TAF4B: variants seen among roughly 807,000 people sequenced by gnomAD.
TAF4B encodes transcription initiation factor TFIID subunit 4B.
A neutral mutation model predicts 86.4 loss-of-function variants in TAF4B; 38 were observed. The observed-to-expected ratio is 0.44, with a 90% confidence interval of 0.34 to 0.58. The LOEUF (loss-of-function observed/expected upper bound fraction) is 0.58, where lower values mean the gene tolerates loss of function less well. Among genes scored for constraint, TAF4B ranks in the 20% least tolerant of loss-of-function variants. The probability of loss-of-function intolerance (pLI) is 0.02; values close to 1 mark genes in which losing one functional copy is unlikely to be tolerated. For missense variants in TAF4B, 988 were observed against 1,027.6 expected (o/e 0.96, Z 0.53); for synonymous variants, 388 against 391.2 (o/e 0.99, Z 0.10).
intron 1 of TAF4B, among the ~76,000 whole-genome samples, chr18:26,242,300 T>C (rs1372252335): frequency 2.0e-5 from 3 of 152,240 alleles, no homozygotes; most frequent in Admixed American, 6.5e-5. Flanking sequence ...TTAGGATAGT[T>C]AGCTCTTCTT....
intron 11 of TAF4B, among the ~76,000 whole-genome samples, chr18:26,323,376 C>G (rs965766985): frequency 6.6e-6 from 1 of 152,110 alleles, no homozygotes; most frequent in African/African-American, 2.4e-5. Flanking sequence ...GGGTCTCACT[C>G]TGTCATCCAG....
intron 14 of TAF4B, among the ~76,000 whole-genome samples, chr18:26,371,116 C>G (rs923618394): frequency 6.6e-6 from 1 of 151,600 alleles, no homozygotes; most frequent in Non-Finnish European, 1.5e-5. Context: ...GTTCATGAAG[C>G]GTGAACAAAA....
At chr18:26,363,993 G>A (rs935159999) in intron 14 of TAF4B, among the ~76,000 whole-genome samples, 4 of 152,120 alleles carry the variant, frequency 2.6e-5, no homozygotes, top group Admixed American at 1.3e-4. Context: ...TTTAACATTC[G>A]AAGATTACCT....
At chr18:26,247,742 C>T (rs998256311) in intron 1 of TAF4B, among the ~76,000 whole-genome samples, 1 of 152,022 alleles carries the variant, frequency 6.6e-6, no homozygotes, top group Admixed American at 6.6e-5. Context: ...ACTAGCCAAG[C>T]GTTGTGGTGC....
At chr18:26,358,912 A>C (rs1204539876) in intron 14 of TAF4B, among the ~76,000 whole-genome samples, 1 of 152,178 alleles carries the variant, frequency 6.6e-6, no homozygotes, top group Non-Finnish European at 1.5e-5. Context: ...GGTAGTTTCT[A>C]AATGAACGCC....
intron 5 of TAF4B, among the ~76,000 whole-genome samples, chr18:26,279,972 A>AGG (rs1044998304): frequency 1.3e-5 from 2 of 151,640 alleles, no homozygotes; most frequent in African/African-American, 4.8e-5. Context: ...TGAACCTGGG[A>AGG]GGGGGAGGTT....
intron 9 of TAF4B, among the ~76,000 whole-genome samples, chr18:26,310,046 C>T (rs2056837944): frequency 6.6e-6 from 1 of 152,110 alleles, no homozygotes; most frequent in African/African-American, 2.4e-5. Context: ...TGGTGCTGAG[C>T]CCCTGACCTC....
intron 14 of TAF4B, among the ~76,000 whole-genome samples, chr18:26,384,510 A>G (rs1391239095): frequency 6.6e-6 from 1 of 152,186 alleles, no homozygotes; most frequent in Non-Finnish European, 1.5e-5. Context: ...AGGCTCCCTT[A>G]AAATTCAGAA....
chr18:26,320,959 C>T, intron 10 of TAF4B, 111 bp from the exon 11 acceptor site: 1 of 1,324,534 alleles, frequency 7.5e-7, no homozygotes, highest in Non-Finnish European at 1.0e-6. Flanking sequence ...ATCTCCAAAC[C>T]TTTATTCATA....
intron 9 of TAF4B, among the ~76,000 whole-genome samples, chr18:26,305,708 G>A (rs1023040269): frequency 5.3e-5 from 8 of 152,036 alleles, no homozygotes; most frequent in East Asian, 1.9e-4. Flanking sequence ...TGGTGTTTTC[G>A]ATTGTTATAA....
At chr18:26,336,022 AGT>A (rs1260683033) in intron 13 of TAF4B, among the ~76,000 whole-genome samples, 1 of 152,124 alleles carries the variant, frequency 6.6e-6, no homozygotes, top group Non-Finnish European at 1.5e-5. Flanking sequence ...TTGAAGGTGC[AGT>A]GTGTGTATGG....
chr18:26,376,082 G>C (rs927960027), intron 14 of TAF4B, among the ~76,000 whole-genome samples: 10 of 152,024 alleles, frequency 6.6e-5, no homozygotes, highest in Non-Finnish European at 1.3e-4. Context: ...CCTTACACCA[G>C]TACCACACTG....
intron 14 of TAF4B, among the ~76,000 whole-genome samples, chr18:26,382,381 A>C (rs1978294748): frequency 6.6e-6 from 1 of 152,086 alleles, no homozygotes; most frequent in South Asian, 2.1e-4. Flanking sequence ...TTCAGAATTC[A>C]CTGTTTATTT....
intron 13 of TAF4B, among the ~76,000 whole-genome samples, chr18:26,344,145 T>G (rs2057157554): frequency 6.6e-6 from 1 of 152,080 alleles, no homozygotes; most frequent in Non-Finnish European, 1.5e-5. Flanking sequence ...TAAAACACAT[T>G]CAGCTGAATG....
chr18:26,316,677 G>A (rs1043012641), intron 10 of TAF4B, among the ~76,000 whole-genome samples: 2 of 152,148 alleles, frequency 1.3e-5, no homozygotes, highest in African/African-American at 4.8e-5. Flanking sequence ...GAGCCACCGT[G>A]CCTGGCTTAC....
intron 13 of TAF4B, among the ~76,000 whole-genome samples, chr18:26,345,525 CA>C (rs1390775893): frequency 1.3e-5 from 2 of 152,168 alleles, no homozygotes; most frequent in African/African-American, 2.4e-5. Context: ...CCACACCCAG[CA>C]AAACTGCACC....
intron 3 of TAF4B, 134 bp downstream of exon 3, chr18:26,267,757 A>T (rs977552943): frequency 1.6e-6 from 1 of 621,516 alleles, no homozygotes; most frequent in African/African-American, 1.8e-5. Flanking sequence ...GATGGCACTT[A>T]TCAAACTGGG....
chr18:26,352,667 G>C (rs988690763), intron 13 of TAF4B, among the ~76,000 whole-genome samples: 1 of 152,070 alleles, frequency 6.6e-6, no homozygotes, highest in African/African-American at 2.4e-5. Flanking sequence ...CCAGAGTTAG[G>C]ATCCCATAAG....
chr18:26,246,531 G>A (rs1286001286), intron 1 of TAF4B, among the ~76,000 whole-genome samples: 1 of 140,344 alleles, frequency 7.1e-6, no homozygotes, highest in Non-Finnish European at 1.6e-5. Context: ...TAATCTCATT[G>A]TTTTTGTGGT....
Sources: allele counts gnomAD v4.1 joint callset (sites outside exome capture counted in the v4.1 genomes callset), GRCh38; gene constraint gnomAD v4.1.1; transcripts MANE v1.5; gene names NCBI Gene and HGNC (gene_info 2026-07-23, HGNC 2026-07-21).